Variants in ZFYVE16 observed in about 807,000 individuals in gnomAD.
ZFYVE16 encodes the protein zinc finger FYVE-type containing 16, also known as zinc finger FYVE domain-containing protein 16.
ZFYVE16 carries 89 observed loss-of-function variants against 138.1 expected under a neutral mutation model. The ratio of observed to expected loss-of-function variants is 0.64; its 90% confidence interval spans 0.54 to 0.77. The LOEUF is 0.77. Ranked by LOEUF, ZFYVE16 falls within the 30% of genes least tolerant of loss-of-function variation. ZFYVE16 has a pLI of 0.00. For synonymous variants in ZFYVE16, 596 were observed against 618.3 expected (o/e 0.96, Z 0.53); for missense variants, 1,793 against 1,786.7 (o/e 1.00, Z -0.06).
intron 1 of ZFYVE16, among the ~76,000 whole-genome samples, chr5:80,414,416 C>T (rs1162824776): frequency 6.6e-6 from 1 of 152,042 alleles, no homozygotes; most frequent in African/African-American, 2.4e-5. Flanking sequence ...TCAGGTTTTC[C>T]TTTTTCTTGG....
At chr5:80,431,755 T>G (rs1749061201) in intron 2 of ZFYVE16, among the ~76,000 whole-genome samples, 1 of 152,152 alleles carries the variant, frequency 6.6e-6, no homozygotes, top group Non-Finnish European at 1.5e-5. Context: ...GGATACAAAA[T>G]CAGTGTGCAA....
At chr5:80,427,177 G>A (rs1158983075) in intron 1 of ZFYVE16, among the ~76,000 whole-genome samples, 3 of 151,900 alleles carry the variant, frequency 2.0e-5, no homozygotes, top group East Asian at 1.9e-4. Flanking sequence ...GAGCCACTGC[G>A]CCCGGCCACA....
intron 6 of ZFYVE16, 45 bp from the exon 7 acceptor site, chr5:80,445,218 C>T: frequency 6.3e-7 from 1 of 1,587,692 alleles, no homozygotes. Flanking sequence ...TAAATCATTG[C>T]CATATTACCA....
intron 1 of ZFYVE16, among the ~76,000 whole-genome samples, chr5:80,422,782 T>C (rs1018037517): frequency 6.6e-6 from 1 of 152,178 alleles, no homozygotes; most frequent in Admixed American, 6.6e-5. Flanking sequence ...CATCAATTTA[T>C]GTGATTATAT....
At chr5:80,440,226 GA>G in intron 5 of ZFYVE16, 194 bp downstream of exon 5, 1 of 1,193,684 alleles carries the variant, frequency 8.4e-7, no homozygotes, top group Non-Finnish European at 1.0e-6. Flanking sequence ...TACCAATCTG[GA>G]AAGGAAGCAT....
rs150240127 is a variant in ZFYVE16 at position 80,437,390 on chromosome 5, G to A, written c.705G>A (p.Gln235=). The A allele has an allele frequency of 1.2e-6, 2 of 1,605,276 alleles. No individual in the cohort carries two copies. The highest frequency in any genetic ancestry group is 8.5e-7 in the Non-Finnish European group (1 of 1,177,232). ...ENLKDKKIFN[Q]LESIVDFNMS... is the part of the protein sequence containing the mutation. ...TAAAAGATAAAAAGATCTTTAATCA[G>A]TTAGAATCAATTGTTGATTTTAACA... The change falls in exon 4 of 19, where the codon CAG becomes CAA. Residue 235 remains glutamine (Q), a synonymous_variant. Coordinates refer to ENST00000505560, the MANE Select transcript of ZFYVE16 (RefSeq NM_001284236.3).
In ZFYVE16 at chr5:80,439,887, TGTAA is replaced by T. The variant is rs777298742; in HGVS notation, c.2323-45_2323-42del. On this transcript the variant is annotated intron_variant, in intron 4 of 18. Transcript: ENST00000505560. ...ACCTCCCCACACTGCCTCTAGTAGG[TGTAA>T]GTATTCTTGAAACAAAGACAAATTT... 1.3e-5 allele frequency: 19 copies of T among 1,519,604 alleles called. No individual in the cohort carries two copies. In the African/African-American group the frequency reaches 1.8e-4, roughly 14 times the overall value. 94.1% of individuals were successfully genotyped at this position (1,519,604 alleles called of 1,614,324 possible). A position where few individuals can be genotyped will look rare whatever the true frequency, so the allele number is the denominator to read the frequency against.
intron 1 of ZFYVE16, among the ~76,000 whole-genome samples, chr5:80,426,856 C>T (rs577142333): frequency 2.6e-5 from 4 of 152,156 alleles, no homozygotes; most frequent in Non-Finnish European, 4.4e-5. Flanking sequence ...TTTGAGGAAT[C>T]GCTACACTGT....
chr5:80,477,448 G>A lies in ZFYVE16; in HGVS notation c.*71G>A. 1 of 1,407,130 alleles carries A rather than the reference G, an allele frequency of 7.1e-7. No homozygotes were observed. Among genetic ancestry groups the A allele is most frequent in the Non-Finnish European group, 9.6e-7 (1 of 1,046,160 alleles). 87.2% of individuals were successfully genotyped at this position (1,407,130 alleles called of 1,614,324 possible). A position where few individuals can be genotyped will look rare whatever the true frequency, so the allele number is the denominator to read the frequency against. On this transcript the variant is annotated 3_prime_UTR_variant, in exon 19 of 19. Transcript: ENST00000505560. ...CTAACTCCAGCACTAAAGCTGAAAT[G>A]CCACAAACACTAAAAGTATAAATAT...
In ZFYVE16 at chr5:80,437,804, C is replaced by T; in HGVS notation, c.1119C>T (p.Ser373=). The T allele has an allele frequency of 6.2e-7, 1 of 1,614,020 alleles. No homozygotes were observed. The highest frequency in any genetic ancestry group is 8.5e-7 in the Non-Finnish European group (1 of 1,179,956). The part of the protein sequence containing the change: ...ALHVSSKDVP[S]SLSCLPASGS... ...ATGTTTCCAGTAAAGATGTGCCGTC[C>T]TCATTGTCCTGTCTTCCTGCGTCTG... The change falls in exon 4 of 19, where the codon TCC becomes TCT. Residue 373 remains serine, a synonymous_variant. Coordinates refer to ENST00000505560, the MANE Select transcript of ZFYVE16 (RefSeq NM_001284236.3).
chr5:80,412,138 A>G (rs774931359), intron 1 of ZFYVE16, among the ~76,000 whole-genome samples: 38 of 151,898 alleles, frequency 2.5e-4, no homozygotes, highest in Non-Finnish European at 4.9e-4. Flanking sequence ...TCTCCACTGC[A>G]TTATCTCAGC....
intron 7 of ZFYVE16, 144 bp downstream of exon 7, chr5:80,445,549 T>G: frequency 1.4e-6 from 1 of 730,126 alleles, no homozygotes. Context: ...AGTGAATATA[T>G]TTTAGATTTT....
intron 15 of ZFYVE16, among the ~76,000 whole-genome samples, chr5:80,471,317 GA>G (rs1190965171): frequency 6.6e-6 from 1 of 152,126 alleles, no homozygotes; most frequent in African/African-American, 2.4e-5. Context: ...TGTTACTGCT[GA>G]TTAATATCTT....
In ZFYVE16 at chr5:80,437,896, A is replaced by T; in HGVS notation, c.1211A>T (p.Lys404Ile). Residue 404 changes from lysine (K) to isoleucine (I), a missense_variant, in exon 4 of 19, where the codon AAA becomes ATA. By Grantham distance (102) the Lys-to-Ile change is moderately radical. Around this residue, in one of 2 missense-constraint regions of ZFYVE16, gnomAD observed 1,295 missense variants for 1,204.3 expected, o/e 1.08. Transcript: ENST00000505560. ...RGDFLPQHEHKDNIQDAVTIH... is the reference protein window; with the variant it reads ...RGDFLPQHEHIDNIQDAVTIH... The stretch of plus-strand genomic sequence containing the variant: ...GATTTTTTACCTCAGCATGAACATA[A>T]AGATAATATACAAGATGCAGTGACT... 6.2e-7 allele frequency: 1 copy of T among 1,614,032 alleles called. No individual in the cohort carries two copies.
Position 80,416,181 on chromosome 5 carries a change from G to A in ZFYVE16, c.-94+8028G>A, listed in dbSNP as rs190283229. On this transcript the variant is annotated intron_variant, in intron 1 of 18. Transcript: ENST00000505560. ...TTGGATTTTTTTTTTATTTTTTTGC[G>A]TGGGAGATTTGTCTTTTCCCCAATT... Among the ~76,000 whole-genome samples, 21 of 150,394 alleles carry A rather than the reference G, an allele frequency of 1.4e-4. 2 individuals are homozygous for A. In the East Asian group the frequency reaches 2.9e-3, roughly 21 times the overall value.
At chr5:80,412,369 C>T (rs1745575946) in intron 1 of ZFYVE16, among the ~76,000 whole-genome samples, 1 of 151,968 alleles carries the variant, frequency 6.6e-6, no homozygotes, top group Non-Finnish European at 1.5e-5. Flanking sequence ...TATATGTATA[C>T]ATAAATAAAC....
chr5:80,412,688 A>G (rs1319224480), intron 1 of ZFYVE16, among the ~76,000 whole-genome samples: 1 of 152,224 alleles, frequency 6.6e-6, no homozygotes, highest in African/African-American at 2.4e-5. Flanking sequence ...TTATTTCTAA[A>G]AAATTCTCTG....
chr5:80,445,485 CTTTTT>C, intron 7 of ZFYVE16, 80 bp downstream of exon 7: 1 of 992,014 alleles, frequency 1.0e-6, no homozygotes, highest in Non-Finnish European at 1.4e-6. Flanking sequence ...TATTAGAGTG[CTTTTT>C]TTTTTTTTTA....
In ZFYVE16 at chr5:80,438,323, CAT is replaced by C; in HGVS notation, c.1640_1641del (p.Ile547LysfsTer4). 7 of 1,613,666 alleles carry C rather than the reference CAT, an allele frequency of 4.3e-6. No individual in the cohort carries two copies. The highest frequency in any genetic ancestry group is 1.1e-5 in the South Asian group (1 of 91,058). On this transcript the variant is annotated frameshift_variant, in exon 4 of 19. Coordinates refer to ENST00000505560, the MANE Select transcript of ZFYVE16 (RefSeq NM_001284236.3). LOFTEE classifies it high-confidence loss of function. Reference protein sequence around the residue: ...LTEQYLQTTNIKSFEENVNDS... With the variant: ...LTEQYLQTTNXKSFEENVNDS... ...CAGAACAGTATCTTCAGACCACTAA[CAT>C]AAAGTCTTTTGAAGAAAATGTAAAT...
Sources: allele counts gnomAD v4.1 joint callset (sites outside exome capture counted in the v4.1 genomes callset), GRCh38; gene constraint gnomAD v4.1.1; regional missense constraint gnomAD v4.1.1; transcripts MANE v1.5; gene names NCBI Gene and HGNC (gene_info 2026-07-23, HGNC 2026-07-21).